ANO6: variants seen among roughly 807,000 people sequenced by gnomAD.
ANO6 encodes anoctamin-6.
In ANO6, 106 loss-of-function variants were observed where a neutral mutation model predicts 117.5. The observed-to-expected ratio is 0.90, with a 90% CI of 0.77 to 1.06. The LOEUF (loss-of-function observed/expected upper bound fraction) is 1.06, where lower values mean the gene tolerates loss of function less well. Ranked by LOEUF, ANO6 falls within the 50% of genes least tolerant of loss-of-function variation. ANO6 has a pLI of 0.00. For missense variants in ANO6, 955 were observed against 1,121.1 expected (o/e 0.85, Z 2.12); for synonymous variants, 367 against 385.1 (o/e 0.95, Z 0.55).
intron 9 of ANO6, among the ~76,000 whole-genome samples, chr12:45,374,050 T>C (rs2137530686): frequency 6.6e-6 from 1 of 151,858 alleles, no homozygotes; most frequent in African/African-American, 2.4e-5. Context: ...AAATACAAAC[T>C]ACCATCAGAG....
At chr12:45,390,731 C>T (rs1942426784) in intron 12 of ANO6, among the ~76,000 whole-genome samples, 1 of 147,204 alleles carries the variant, frequency 6.8e-6, no homozygotes, top group South Asian at 2.2e-4. Context: ...TTCTTTTCAC[C>T]TCATCTGTTA....
At chr12:45,255,575 G>A (rs570096478) in intron 1 of ANO6, among the ~76,000 whole-genome samples, 9 of 152,250 alleles carry the variant, frequency 5.9e-5, no homozygotes, top group African/African-American at 2.2e-4. Context: ...AGGAAGCATC[G>A]TGGAATCATA....
At position 45,357,376 on chromosome 12, in the gene ANO6, T is replaced by A. The variant is rs1487057090; in HGVS notation, c.950T>A (p.Val317Glu). 3.1e-6 allele frequency: 5 copies of A among 1,613,850 alleles called. No individual in the cohort carries two copies. The highest frequency in any genetic ancestry group is 4.2e-6 in the Non-Finnish European group (5 of 1,179,992). The change falls in exon 8 of 20, where the codon GTG (valine) becomes GAG (glutamate). Residue 317 changes from valine to glutamate, a missense_variant. By Grantham distance (121) the Val-to-Glu change is moderately radical. Transcript: ENST00000320560. ...CTTCTCCTGGCCGCAGTTGTAGGAG[T>A]GGCTTGCTTTCTCTATGGATATCTT... Reference protein sequence around the residue: ...QMLLLAAVVGVACFLYGYLNQ... With the variant: ...QMLLLAAVVGEACFLYGYLNQ...
intron 2 of ANO6, among the ~76,000 whole-genome samples, chr12:45,325,266 A>G (rs1323124284): frequency 1.3e-5 from 2 of 152,224 alleles, no homozygotes; most frequent in African/African-American, 4.8e-5. Context: ...AATGTAATTT[A>G]GGACAACTCT....
At chr12:45,380,192 C>T (rs1359289527) in intron 10 of ANO6, among the ~76,000 whole-genome samples, 1 of 152,158 alleles carries the variant, frequency 6.6e-6, no homozygotes, top group African/African-American at 2.4e-5. Flanking sequence ...GACAAGGCAG[C>T]CCACCTGTTC....
At chr12:45,361,168 C>A (rs1941545734) in intron 8 of ANO6, among the ~76,000 whole-genome samples, 1 of 151,730 alleles carries the variant, frequency 6.6e-6, no homozygotes, top group Admixed American at 6.6e-5. Flanking sequence ...TCTTTTAATC[C>A]CTGAACACAG....
At chr12:45,381,814 C>T (rs1942175402) in intron 10 of ANO6, among the ~76,000 whole-genome samples, 2 of 152,056 alleles carry the variant, frequency 1.3e-5, no homozygotes, top group Admixed American at 6.6e-5. Flanking sequence ...AGAGGACATC[C>T]ACTGTTCTTC....
intron 17 of ANO6, among the ~76,000 whole-genome samples, chr12:45,418,645 T>C (rs554050552): frequency 5.3e-5 from 8 of 152,302 alleles, no homozygotes; most frequent in Admixed American, 5.2e-4. Context: ...TCTAGATTGA[T>C]TGTATTAGGT....
chr12:45,345,873 C>A (rs974617117), intron 3 of ANO6, among the ~76,000 whole-genome samples: 1 of 151,884 alleles, frequency 6.6e-6, no homozygotes, highest in African/African-American at 2.4e-5. Flanking sequence ...GCTCACAGTT[C>A]TGTAGGCTGG....
At chr12:45,321,682 C>T (rs935013506) in intron 2 of ANO6, among the ~76,000 whole-genome samples, 2 of 151,956 alleles carry the variant, frequency 1.3e-5, no homozygotes, top group African/African-American at 2.4e-5. Context: ...GCTAAATACT[C>T]GTCTGTGTAA....
Position 45,431,488 on chromosome 12 carries a change from G to A in ANO6, c.*2177G>A, listed in dbSNP as rs1352031507. 4.1e-6 allele frequency: 4 copies of A among 985,280 alleles called. No homozygotes were observed. The Admixed American group carries it at 2.5e-4, about 61-fold the overall frequency. 61.0% of individuals were successfully genotyped at this position (985,280 alleles called of 1,614,324 possible). On this transcript the variant is annotated 3_prime_UTR_variant, in exon 20 of 20. Coordinates refer to ENST00000320560, the MANE Select transcript of ANO6 (RefSeq NM_001025356.3). ...TGCATTTGTTTTCATAGCCCCAGCA[G>A]AGAAAATCCTCTTCATAGATTAAAT...
At chr12:45,406,934 A>C (rs1393892840) in intron 15 of ANO6, among the ~76,000 whole-genome samples, 6 of 152,248 alleles carry the variant, frequency 3.9e-5, no homozygotes, top group African/African-American at 1.4e-4. Flanking sequence ...CTAGTAAAGC[A>C]TAACTTATGA....
At chr12:45,356,840 A>C (rs1479395702) in intron 7 of ANO6, among the ~76,000 whole-genome samples, 1 of 152,194 alleles carries the variant, frequency 6.6e-6, no homozygotes. Flanking sequence ...TTAAGGCTCA[A>C]CTGTATTTGT....
intron 6 of ANO6, among the ~76,000 whole-genome samples, chr12:45,350,255 A>C (rs1287630903): frequency 6.6e-6 from 1 of 152,198 alleles, no homozygotes; most frequent in East Asian, 1.9e-4. Flanking sequence ...GCTGCTAACC[A>C]GCCAAGGCCT....
intron 7 of ANO6, among the ~76,000 whole-genome samples, chr12:45,356,967 G>A (rs898209093): frequency 1.3e-5 from 2 of 152,200 alleles, no homozygotes; most frequent in African/African-American, 4.8e-5. Flanking sequence ...TGGAGAATGT[G>A]TAAAATAGTG....
At chr12:45,407,360 C>T (rs566634284) in intron 15 of ANO6, among the ~76,000 whole-genome samples, 17 of 151,606 alleles carry the variant, frequency 1.1e-4, no homozygotes, top group African/African-American at 2.9e-4. Context: ...CAGCAAGAGG[C>T]GGAGGCTAGA....
chr12:45,335,312 T>C (rs1940793307), intron 3 of ANO6, among the ~76,000 whole-genome samples: 1 of 152,024 alleles, frequency 6.6e-6, no homozygotes, highest in Admixed American at 6.6e-5. Context: ...TAACTGGTTA[T>C]AGAGCCTGTG....
intron 1 of ANO6, among the ~76,000 whole-genome samples, chr12:45,217,670 C>G (rs1947336883): frequency 6.6e-6 from 1 of 152,190 alleles, no homozygotes; most frequent in African/African-American, 2.4e-5. Flanking sequence ...CACTTTCAAA[C>G]CCAGGTTTTC....
intron 1 of ANO6, among the ~76,000 whole-genome samples, chr12:45,263,364 G>A: frequency 8.0e-6 from 1 of 125,172 alleles, no homozygotes; most frequent in Admixed American, 1.1e-4. Flanking sequence ...TGCCTGGCCT[G>A]GCCTTTTTTT....
Sources: gnomAD v4.1 joint callset for allele counts (sites outside exome capture counted in the v4.1 genomes callset) on GRCh38, gnomAD v4.1.1 for gene constraint, MANE v1.5 for transcripts, NCBI Gene and HGNC (gene_info 2026-07-23, HGNC 2026-07-21) for gene names.